SASH1: variants seen among roughly 807,000 people sequenced by gnomAD.
The protein encoded by SASH1 is SAM and SH3 domain containing 1.
In SASH1, 44 loss-of-function variants were observed where a neutral mutation model predicts 125.2. That is an observed-to-expected ratio of 0.35 (90% CI 0.28 to 0.45). The LOEUF is 0.45. Ranked by LOEUF, SASH1 falls within the 20% of genes least tolerant of loss-of-function variation. The pLI, the probability that SASH1 is intolerant of heterozygous loss-of-function variation, is 1.00. For missense variants in SASH1, 1,426 were observed against 1,614.5 expected (o/e 0.88, Z 2.00); for synonymous variants, 639 against 649.1 (o/e 0.98, Z 0.24).
In SASH1 at chr6:148,390,319, T is replaced by G. The variant is rs773405001; in HGVS notation, c.285+57T>G. 8.6e-4 allele frequency: 1,336 copies of G among 1,559,436 alleles called. 3 individuals are homozygous for G. The highest frequency in any genetic ancestry group is 2.6e-3 in the Middle Eastern group (11 of 4,300). On this transcript the variant is annotated intron_variant, in intron 2 of 19. Transcript: ENST00000367467. ...GAGCAGAGCTGCTCCAATTTGGGCT[T>G]TTCCTTGGTCTTTATCCCAGTGCTA... is the stretch of plus-strand genomic sequence containing the variant.
chr6:148,194,485 G>A, the SASH1 span, among the ~76,000 whole-genome samples: 10 of 152,188 alleles, frequency 6.6e-5, no homozygotes, highest in African/African-American at 1.9e-4. Flanking sequence ...TTATCTTTTC[G>A]TGGCAACGAT....
chr6:148,438,670 G>C (rs1220427965), intron 2 of SASH1, among the ~76,000 whole-genome samples: 1 of 137,848 alleles, frequency 7.3e-6, no homozygotes, highest in African/African-American at 2.8e-5. Flanking sequence ...CTTGTCTACA[G>C]TCATCCCATT....
At chr6:148,513,527 C>T (rs1780269580) in intron 8 of SASH1, 1 of 985,334 alleles carries the variant, frequency 1.0e-6, no homozygotes, top group Admixed American at 6.1e-5. Context: ...TTGTTTTTAG[C>T]CTGGGTCACT....
intron 4 of SASH1, among the ~76,000 whole-genome samples, chr6:148,465,119 A>G (rs948444445): frequency 2.0e-5 from 3 of 152,164 alleles, no homozygotes; most frequent in East Asian, 3.9e-4. Context: ...GGGAGCGTAC[A>G]TTTTTCTGCA....
chr6:148,513,863 G>C (rs2115326430), intron 8 of SASH1: 1 of 986,244 alleles, frequency 1.0e-6, no homozygotes. Flanking sequence ...TGATTTTCGG[G>C]GGAGGGCTGG....
At chr6:148,541,411 A>C (rs1172729879) in intron 17 of SASH1, among the ~76,000 whole-genome samples, 1 of 151,978 alleles carries the variant, frequency 6.6e-6, no homozygotes, top group Non-Finnish European at 1.5e-5. Flanking sequence ...GCAGTTTTGT[A>C]AGACAAAATA....
chr6:148,227,124 G>A, the SASH1 span, among the ~76,000 whole-genome samples: 2 of 151,726 alleles, frequency 1.3e-5, no homozygotes, highest in Admixed American at 1.3e-4. Context: ...GTTCCTTGTG[G>A]TTTTAGGCAC....
the SASH1 span, among the ~76,000 whole-genome samples, chr6:148,259,977 G>A: frequency 6.6e-6 from 1 of 152,056 alleles, no homozygotes; most frequent in South Asian, 2.1e-4. Flanking sequence ...CTTCGAACTC[G>A]TAGACTTAAG....
intron 1 of SASH1, among the ~76,000 whole-genome samples, chr6:148,374,116 A>G (rs1338747845): frequency 6.6e-6 from 1 of 152,232 alleles, no homozygotes; most frequent in African/African-American, 2.4e-5. Flanking sequence ...TCTTCCCATA[A>G]TGTGTCAAAC....
intron 16 of SASH1, among the ~76,000 whole-genome samples, chr6:148,537,281 C>T (rs1047072723): frequency 2.6e-5 from 4 of 152,156 alleles, no homozygotes; most frequent in Admixed American, 2.0e-4. Context: ...TCCCTCGAAG[C>T]GTGGGAAAAT....
At chr6:148,278,078 T>C (rs1303086396) in intron 1 of SASH1, among the ~76,000 whole-genome samples, 1 of 151,272 alleles carries the variant, frequency 6.6e-6, no homozygotes, top group Non-Finnish European at 1.5e-5. Context: ...TCTCGCTCTC[T>C]CACCCAGGCT....
At chr6:148,265,082 T>C in the SASH1 span, among the ~76,000 whole-genome samples, 2 of 152,256 alleles carry the variant, frequency 1.3e-5, no homozygotes, top group South Asian at 4.1e-4. Context: ...TAATTTCTCC[T>C]TGATTTTTAT....
intron 1 of SASH1, among the ~76,000 whole-genome samples, chr6:148,292,819 G>A (rs762723172): frequency 2.4e-4 from 36 of 152,154 alleles, no homozygotes; most frequent in Admixed American, 1.2e-3. Context: ...GGGAGGCCGA[G>A]GTGGGCAGAT....
chr6:148,536,423 T>G (rs1436181730), intron 16 of SASH1, among the ~76,000 whole-genome samples: 1 of 152,164 alleles, frequency 6.6e-6, no homozygotes, highest in Non-Finnish European at 1.5e-5. Context: ...CACCGCAACC[T>G]CCGCCTCCCG....
intron 1 of SASH1, among the ~76,000 whole-genome samples, chr6:148,367,299 A>C (rs1334414835): frequency 6.6e-6 from 1 of 152,224 alleles, no homozygotes; most frequent in Middle Eastern, 3.2e-3. Context: ...CCTTAAGCTA[A>C]AAACTTAGGT....
chr6:148,222,986 G>A, the SASH1 span, among the ~76,000 whole-genome samples: 79,568 of 151,966 alleles, frequency 0.52, 21,334 homozygotes, highest in East Asian at 0.72. Context: ...CTTCGCATGC[G>A]AACTGAGTCT....
chr6:148,288,167 A>G (rs1779535671), intron 1 of SASH1, among the ~76,000 whole-genome samples: 1 of 150,350 alleles, frequency 6.7e-6, no homozygotes, highest in Admixed American at 6.7e-5. Flanking sequence ...GCTGTCAGAG[A>G]GTTTCCCTGG....
At chr6:148,302,521 G>A (rs77772992) in intron 1 of SASH1, among the ~76,000 whole-genome samples, 2,678 of 151,098 alleles carry the variant, frequency 0.018, 73 homozygotes, top group African/African-American at 0.062. Context: ...AATCTCTGCT[G>A]TTTTTGTTAC....
intron 2 of SASH1, among the ~76,000 whole-genome samples, chr6:148,407,921 C>T (rs1211839406): frequency 6.6e-6 from 1 of 152,146 alleles, no homozygotes; most frequent in African/African-American, 2.4e-5. Context: ...GCGTGAGCCA[C>T]CGCACCCAGC....
Sources: allele counts gnomAD v4.1 joint callset (sites outside exome capture counted in the v4.1 genomes callset), GRCh38; gene constraint gnomAD v4.1.1; transcripts MANE v1.5; gene names NCBI Gene and HGNC (gene_info 2026-07-23, HGNC 2026-07-21).